KLHL1: variants seen among roughly 807,000 people sequenced by gnomAD.
KLHL1 encodes the protein kelch like family member 1.
In KLHL1, 47 loss-of-function variants were observed where a neutral mutation model predicts 77.7. The ratio of observed to expected loss-of-function variants is 0.60; its 90% CI spans 0.48 to 0.77. The LOEUF (loss-of-function observed/expected upper bound fraction) is 0.77. KLHL1 is among the 30% of genes least tolerant of loss of function. The pLI, the probability that KLHL1 is intolerant of heterozygous loss-of-function variation, is 0.00. For synonymous variants in KLHL1, 360 were observed against 325.2 expected (o/e 1.11, Z -1.15); for missense variants, 925 against 910.8 (o/e 1.02, Z -0.20).
chr13:69,996,078 G>A (rs1240807800), intron 1 of KLHL1, among the ~76,000 whole-genome samples: 1 of 152,112 alleles, frequency 6.6e-6, no homozygotes, highest in Admixed American at 6.6e-5. Flanking sequence ...GTCAATGCGG[G>A]AGGATCATGA....
intron 6 of KLHL1, among the ~76,000 whole-genome samples, chr13:69,803,292 A>G (rs911866647): frequency 7.5e-6 from 1 of 133,326 alleles, no homozygotes; most frequent in Non-Finnish European, 1.6e-5. Context: ...TATTGTGTCA[A>G]TTTTACATAA....
At chr13:69,733,612 T>C (rs529932481) in intron 8 of KLHL1, among the ~76,000 whole-genome samples, 1 of 152,312 alleles carries the variant, frequency 6.6e-6, no homozygotes, top group African/African-American at 2.4e-5. Flanking sequence ...TTAAAGATGT[T>C]TGATCACATC....
At chr13:70,093,873 C>A (rs1472908159) in intron 1 of KLHL1, among the ~76,000 whole-genome samples, 1 of 152,074 alleles carries the variant, frequency 6.6e-6, no homozygotes, top group South Asian at 2.1e-4. Context: ...TTATTATACA[C>A]TTTATCAAGA....
At chr13:70,097,008 C>T (rs1474839747) in intron 1 of KLHL1, among the ~76,000 whole-genome samples, 2 of 151,890 alleles carry the variant, frequency 1.3e-5, no homozygotes, top group Non-Finnish European at 2.9e-5. Flanking sequence ...AAAATGAATC[C>T]ATGATCCAAT....
intron 1 of KLHL1, among the ~76,000 whole-genome samples, chr13:70,068,861 G>A (rs1433838673): frequency 2.0e-5 from 3 of 152,126 alleles, no homozygotes; most frequent in Non-Finnish European, 4.4e-5. Context: ...TCGTCGTGGG[G>A]GAGGAGGCAC....
intron 6 of KLHL1, among the ~76,000 whole-genome samples, chr13:69,818,692 T>C (rs1342128917): frequency 6.6e-6 from 1 of 152,178 alleles, no homozygotes; most frequent in East Asian, 1.9e-4. Context: ...AACTGAGCTT[T>C]GGCTGACATG....
At chr13:70,019,905 A>T (rs1359654927) in intron 1 of KLHL1, among the ~76,000 whole-genome samples, 1 of 152,154 alleles carries the variant, frequency 6.6e-6, no homozygotes, top group Non-Finnish European at 1.5e-5. Context: ...CATCCTCATG[A>T]ATAATTAATC....
intron 1 of KLHL1, among the ~76,000 whole-genome samples, chr13:69,984,885 G>T (rs1010467814): frequency 6.6e-6 from 1 of 152,068 alleles, no homozygotes; most frequent in Non-Finnish European, 1.5e-5. Flanking sequence ...AAGGTGGGCG[G>T]ATCGCATGAT....
intron 1 of KLHL1, among the ~76,000 whole-genome samples, chr13:70,048,243 G>C (rs192344011): frequency 1.3e-5 from 2 of 152,170 alleles, no homozygotes; most frequent in African/African-American, 2.4e-5. Context: ...ACGTGGTTCT[G>C]TGTGATTATC....
chr13:69,928,731 A>T (rs534095440), intron 4 of KLHL1, among the ~76,000 whole-genome samples: 1 of 152,250 alleles, frequency 6.6e-6, no homozygotes, highest in South Asian at 2.1e-4. Flanking sequence ...TTGAATATCT[A>T]TATAGATGAA....
chr13:69,777,906 G>C (rs1310823064), intron 7 of KLHL1, among the ~76,000 whole-genome samples: 1 of 151,980 alleles, frequency 6.6e-6, no homozygotes, highest in Non-Finnish European at 1.5e-5. Flanking sequence ...ACTGGTAGTT[G>C]AATGCAGGAA....
intron 4 of KLHL1, among the ~76,000 whole-genome samples, chr13:69,889,161 T>A (rs556175428): frequency 6.6e-6 from 1 of 152,194 alleles, no homozygotes; most frequent in Admixed American, 6.5e-5. Context: ...ATTACCTTAA[T>A]GTTGTTGCAC....
At chr13:69,716,033 G>T (rs2137887832) in intron 9 of KLHL1, among the ~76,000 whole-genome samples, 1 of 152,150 alleles carries the variant, frequency 6.6e-6, no homozygotes, top group East Asian at 1.9e-4. Context: ...ATCTGGATTT[G>T]CAATACCAAA....
intron 4 of KLHL1, among the ~76,000 whole-genome samples, chr13:69,929,685 A>G (rs1222310202): frequency 6.6e-6 from 1 of 151,940 alleles, no homozygotes; most frequent in Non-Finnish European, 1.5e-5. Flanking sequence ...TCAATATTTA[A>G]TGCTAAGAAT....
chr13:70,021,829 G>A (rs376620220), intron 1 of KLHL1, among the ~76,000 whole-genome samples: 64 of 151,884 alleles, frequency 4.2e-4, no homozygotes, highest in East Asian at 1.9e-4. Context: ...TTAAGAAATT[G>A]GTTTTTGTTT....
chr13:69,922,884 C>A (rs2138267104), intron 4 of KLHL1, among the ~76,000 whole-genome samples: 1 of 152,120 alleles, frequency 6.6e-6, no homozygotes, highest in African/African-American at 2.4e-5. Flanking sequence ...AGTTTTATTC[C>A]TTATCACATT....
intron 7 of KLHL1, among the ~76,000 whole-genome samples, chr13:69,763,944 T>C (rs1467708366): frequency 2.0e-5 from 3 of 152,176 alleles, no homozygotes; most frequent in Admixed American, 1.3e-4. Flanking sequence ...TTTTTTCTAT[T>C]GTTCTGTTTT....
chr13:69,839,824 T>C (rs1228504786), intron 5 of KLHL1, among the ~76,000 whole-genome samples: 2 of 152,032 alleles, frequency 1.3e-5, no homozygotes, highest in African/African-American at 4.8e-5. Context: ...TAGGTTATTG[T>C]CTCTGCAAAT....
chr13:70,029,283 T>C (rs1886032458), intron 1 of KLHL1, among the ~76,000 whole-genome samples: 2 of 152,084 alleles, frequency 1.3e-5, no homozygotes, highest in African/African-American at 4.8e-5. Context: ...TGAAAGAAAT[T>C]TGAACAGTGA....
Sources: gnomAD v4.1 joint callset for allele counts (sites outside exome capture counted in the v4.1 genomes callset) on GRCh38, gnomAD v4.1.1 for gene constraint, MANE v1.5 for transcripts, NCBI Gene and HGNC (gene_info 2026-07-23, HGNC 2026-07-21) for gene names.